The following GALNTL6 variants were observed in gnomAD, a reference collection of about 807,000 sequenced individuals.
The protein encoded by GALNTL6 is polypeptide N-acetylgalactosaminyltransferase like 6.
GALNTL6 carries 46 observed loss-of-function variants against 73.7 expected under a neutral mutation model. The ratio of observed to expected loss-of-function variants is 0.62; its 90% CI spans 0.49 to 0.80. GALNTL6 has a LOEUF of 0.80. GALNTL6 is among the 30% of genes least tolerant of loss of function. GALNTL6 has a pLI of 0.00. For synonymous variants in GALNTL6, 259 were observed against 263.7 expected, an observed-to-expected ratio of 0.98 and a Z score of 0.17; for missense variants, 604 against 755.0, an observed-to-expected ratio of 0.80 and a Z score of 2.34.
intron 2 of GALNTL6, among the ~76,000 whole-genome samples, chr4:172,099,153 G>T (rs1045896625): frequency 6.6e-6 from 1 of 151,876 alleles, no homozygotes; most frequent in Non-Finnish European, 1.5e-5. Context: ...CTAGAGAGAC[G>T]AAAAAAACAT....
At chr4:172,420,811 A>G (rs959380990) in intron 5 of GALNTL6, among the ~76,000 whole-genome samples, 5 of 152,164 alleles carry the variant, frequency 3.3e-5, no homozygotes, top group African/African-American at 4.8e-5. Flanking sequence ...TGGCACATAT[A>G]CATCATGGAA....
chr4:172,895,624 C>CT (rs1746284252), intron 8 of GALNTL6, among the ~76,000 whole-genome samples: 1 of 151,954 alleles, frequency 6.6e-6, no homozygotes, highest in Non-Finnish European at 1.5e-5. Context: ...AAATTGGAGA[C>CT]TTTTCACTTT....
intron 11 of GALNTL6, among the ~76,000 whole-genome samples, 154 bp from the exon 12 acceptor site, chr4:173,021,321 CT>C (rs1013289121): frequency 1.3e-5 from 2 of 152,162 alleles, no homozygotes; most frequent in African/African-American, 4.8e-5. Flanking sequence ...TGACACGTGC[CT>C]TTTCCAACAC....
chr4:172,035,864 T>C (rs4146318), intron 2 of GALNTL6, among the ~76,000 whole-genome samples: 149,920 of 152,228 alleles, frequency 0.98, 73,859 homozygotes, highest in Middle Eastern at 1. Context: ...TTATGATTTC[T>C]GGCACACATA....
intron 5 of GALNTL6, among the ~76,000 whole-genome samples, chr4:172,786,898 C>T (rs182392478): frequency 2.7e-3 from 406 of 152,236 alleles, no homozygotes; most frequent in African/African-American, 9.6e-3. Flanking sequence ...TGTCAAGTTT[C>T]GGTAATTTAT....
chr4:172,292,704 A>G (rs1377737983), intron 3 of GALNTL6, among the ~76,000 whole-genome samples: 1 of 152,292 alleles, frequency 6.6e-6, no homozygotes, highest in East Asian at 1.9e-4. Context: ...TGGTATAAAG[A>G]CAGAAAAGCT....
chr4:171,903,867 C>A lies in GALNTL6; in HGVS notation c.138+89149C>A, dbSNP rs570508382. On this transcript the variant is annotated intron_variant, in intron 2 of 12. Transcript: ENST00000506823. ...CCCTGAGCAGCCTAACTGGCAGGCA[C>A]CCCCCAGCAGGGGCAGACTGACACC... Among the ~76,000 whole-genome samples, 908 of 152,210 alleles carry A rather than the reference C, an allele frequency of 6.0e-3. 10 individuals are homozygous for A. The highest frequency in any genetic ancestry group is 0.02 in the African/African-American group (817 of 41,504).
intron 5 of GALNTL6, among the ~76,000 whole-genome samples, chr4:172,454,458 C>T (rs1310828839): frequency 1.3e-5 from 2 of 152,230 alleles, no homozygotes; most frequent in African/African-American, 4.8e-5. Context: ...GATCCCCATT[C>T]CAAGATGCAT....
intron 2 of GALNTL6, among the ~76,000 whole-genome samples, chr4:172,209,503 T>C (rs1156825245): frequency 6.6e-6 from 1 of 151,318 alleles, no homozygotes; most frequent in Non-Finnish European, 1.5e-5. Flanking sequence ...TAATACATAC[T>C]TATTCATTTT....
chr4:172,294,630 CA>C (rs547792078), intron 3 of GALNTL6, among the ~76,000 whole-genome samples: 7 of 151,620 alleles, frequency 4.6e-5, no homozygotes, highest in South Asian at 2.1e-4. Flanking sequence ...TTTTAACAGA[CA>C]AAAAAAAAAC....
intron 3 of GALNTL6, among the ~76,000 whole-genome samples, chr4:172,242,216 GA>G (rs1737460038): frequency 6.6e-6 from 1 of 151,950 alleles, no homozygotes; most frequent in African/African-American, 2.4e-5. Context: ...CAATTGCTTG[GA>G]TAACTGTTTT....
rs892657475 is a variant in GALNTL6 at position 172,696,789 on chromosome 4, G to A, written c.554-112572G>A. Among the ~76,000 whole-genome samples, 6 of 152,112 alleles carry A rather than the reference G, an allele frequency of 3.9e-5. No homozygotes were observed. The East Asian group carries it at 1.2e-3, about 29-fold the overall frequency. Reference sequence around the variant, plus strand: ...TCTGGTATGTCTTTATTAGCAGCGTGAGAACAGACTAATACACAGATTAAG... The same window carrying A: ...TCTGGTATGTCTTTATTAGCAGCGTAAGAACAGACTAATACACAGATTAAG... On this transcript the variant is annotated intron_variant, in intron 5 of 12. Coordinates refer to ENST00000506823, the MANE Select transcript of GALNTL6 (RefSeq NM_001034845.3).
intron 10 of GALNTL6, among the ~76,000 whole-genome samples, chr4:172,967,300 T>C (rs1014788246): frequency 6.6e-6 from 1 of 152,226 alleles, no homozygotes; most frequent in African/African-American, 2.4e-5. Context: ...TGATGCCTGA[T>C]CAATTTCTGG....
intron 8 of GALNTL6, among the ~76,000 whole-genome samples, chr4:172,892,462 G>A (rs1746082830): frequency 6.6e-6 from 1 of 152,030 alleles, no homozygotes; most frequent in Admixed American, 6.6e-5. Context: ...ACAGGTGTTG[G>A]GTGTTGAAGA....
intron 2 of GALNTL6, among the ~76,000 whole-genome samples, chr4:171,889,895 A>G (rs555947496): frequency 6.6e-6 from 1 of 152,202 alleles, no homozygotes; most frequent in East Asian, 1.9e-4. Context: ...TGTTTTGCAA[A>G]TATTCTACCA....
At chr4:171,940,588 A>G (rs558205209) in intron 2 of GALNTL6, among the ~76,000 whole-genome samples, 2 of 152,028 alleles carry the variant, frequency 1.3e-5, no homozygotes, top group Non-Finnish European at 2.9e-5. Flanking sequence ...TTGAGAGGCC[A>G]AGGCAGGCAG....
intron 2 of GALNTL6, among the ~76,000 whole-genome samples, chr4:172,080,221 C>T (rs185957259): frequency 6.6e-6 from 1 of 152,116 alleles, no homozygotes. Context: ...CGCTTTGTTG[C>T]TCTTGCTTGA....
intron 10 of GALNTL6, among the ~76,000 whole-genome samples, chr4:172,968,924 C>G (rs1750450003): frequency 6.6e-6 from 1 of 152,044 alleles, no homozygotes; most frequent in Non-Finnish European, 1.5e-5. Context: ...AAACCCCATG[C>G]TGAGACAAGG....
intron 5 of GALNTL6, among the ~76,000 whole-genome samples, chr4:172,705,606 T>G (rs1734302757): frequency 6.6e-6 from 1 of 152,066 alleles, no homozygotes; most frequent in Admixed American, 6.6e-5. Flanking sequence ...GGTGGATTTT[T>G]TTTGGTTGTA....
Sources: gnomAD v4.1 joint callset for allele counts (sites outside exome capture counted in the v4.1 genomes callset) on GRCh38, gnomAD v4.1.1 for gene constraint, MANE v1.5 for transcripts, NCBI Gene and HGNC (gene_info 2026-07-23, HGNC 2026-07-21) for gene names.